UBR1: variants seen among roughly 807,000 people sequenced by gnomAD.
UBR1 encodes ubiquitin protein ligase E3 component n-recognin 1.
In UBR1, 102 loss-of-function variants were observed where a neutral mutation model predicts 242.1. The observed-to-expected ratio is 0.42, with a 90% CI of 0.36 to 0.50. The LOEUF (loss-of-function observed/expected upper bound fraction) is 0.50. Among genes scored for constraint, UBR1 ranks in the 20% least tolerant of loss-of-function variants. The pLI, the probability that UBR1 is intolerant of heterozygous loss-of-function variation, is 0.01. For synonymous variants in UBR1, 675 were observed against 684.8 expected, an observed-to-expected ratio of 0.99 and a Z score of 0.22; for missense variants, 1,772 against 2,101.8, an observed-to-expected ratio of 0.84 and a Z score of 3.07.
chr15:42,954,712 T>C (rs1317254299), intron 44 of UBR1, among the ~76,000 whole-genome samples: 1 of 152,122 alleles, frequency 6.6e-6, no homozygotes, highest in Non-Finnish European at 1.5e-5. Context: ...AACTACAGGA[T>C]GCGCCAACAT....
chr15:43,022,057 G>A (rs974698506), intron 26 of UBR1, among the ~76,000 whole-genome samples: 1 of 151,920 alleles, frequency 6.6e-6, no homozygotes, highest in Non-Finnish European at 1.5e-5. Context: ...AAACAAAATT[G>A]CCAAAAATAT....
intron 13 of UBR1, 88 bp from the exon 14 acceptor site, chr15:43,047,377 T>C (rs1311373598): frequency 7.6e-6 from 12 of 1,576,908 alleles, no homozygotes; most frequent in South Asian, 2.2e-5. Flanking sequence ...TCAGGATTCA[T>C]AACATTTTAA....
intron 33 of UBR1, among the ~76,000 whole-genome samples, 171 bp from the exon 34 acceptor site, chr15:42,990,291 AATCTCCGCCTCCCAAGTGACTACAGGC>A (rs2032534773): frequency 6.6e-6 from 1 of 152,060 alleles, no homozygotes; most frequent in East Asian, 1.9e-4. Context: ...CGATCCTCCC[AATCTCCGCCTCCCAAGTGACTACAGGC>A]ATGTGCCACC....
chr15:43,098,131 A>T (rs1324582782), intron 1 of UBR1, among the ~76,000 whole-genome samples: 2 of 152,206 alleles, frequency 1.3e-5, no homozygotes, highest in African/African-American at 4.8e-5. Context: ...GTCCCATCTT[A>T]GGGTATAGGG....
chr15:42,972,159 T>C (rs2032217427), intron 39 of UBR1, among the ~76,000 whole-genome samples: 1 of 152,204 alleles, frequency 6.6e-6, no homozygotes, highest in South Asian at 2.1e-4. Flanking sequence ...TTAAAAATCC[T>C]CTATGCTGTG....
chr15:43,079,546 G>A (rs1208047741), intron 3 of UBR1, among the ~76,000 whole-genome samples: 3 of 151,994 alleles, frequency 2.0e-5, no homozygotes, highest in African/African-American at 2.4e-5. Flanking sequence ...TTGGGAGGAC[G>A]AGGCGGGTGG....
intron 1 of UBR1, among the ~76,000 whole-genome samples, chr15:43,104,959 G>GCAACT (rs2034279476): frequency 1.3e-5 from 2 of 152,072 alleles, no homozygotes; most frequent in African/African-American, 4.8e-5. Flanking sequence ...TCCTGAACTC[G>GCAACT]GAAGGTTGCA....
chr15:43,015,662 G>A (rs374161185), intron 29 of UBR1, 26 bp downstream of exon 29: 20 of 1,610,726 alleles, frequency 1.2e-5, no homozygotes, highest in Non-Finnish European at 1.7e-5. Context: ...AATTGAGTTG[G>A]TAATTTTTGG....
intron 1 of UBR1, among the ~76,000 whole-genome samples, chr15:43,092,259 C>A (rs1316548797): frequency 6.6e-6 from 1 of 152,138 alleles, no homozygotes; most frequent in Admixed American, 6.5e-5. Flanking sequence ...CTTCACTGAT[C>A]AGCCCAAGAA....
intron 32 of UBR1, among the ~76,000 whole-genome samples, chr15:42,999,192 G>C (rs1363787179): frequency 6.6e-6 from 1 of 152,164 alleles, no homozygotes; most frequent in Non-Finnish European, 1.5e-5. Context: ...GCCCGCCTCA[G>C]CCTCCCAAAG....
At chr15:42,970,192 C>A (rs2032180878) in intron 40 of UBR1, among the ~76,000 whole-genome samples, 1 of 152,134 alleles carries the variant, frequency 6.6e-6, no homozygotes, top group Admixed American at 6.6e-5. Flanking sequence ...TAACACCACA[C>A]ATCTACAACC....
intron 37 of UBR1, among the ~76,000 whole-genome samples, chr15:42,983,665 C>CAATAATAAT (rs60519719): frequency 0.31 from 43,087 of 136,938 alleles, 7,809 homozygotes; most frequent in East Asian, 0.44. Flanking sequence ...AACTCCCACT[C>CAATAATAAT]AATAATAATA....
chr15:43,034,797 A>G (rs1293536617), intron 19 of UBR1, among the ~76,000 whole-genome samples: 1 of 151,636 alleles, frequency 6.6e-6, no homozygotes, highest in Non-Finnish European at 1.5e-5. Context: ...AGGCAAGAGA[A>G]TCGCTTGAAC....
chr15:42,973,398 T>C (rs1171596598), intron 39 of UBR1, among the ~76,000 whole-genome samples: 1 of 152,178 alleles, frequency 6.6e-6, no homozygotes, highest in East Asian at 1.9e-4. Context: ...TGGGTTCAAC[T>C]GATTCTTATC....
At chr15:43,030,618 C>A (rs1014401801) in intron 20 of UBR1, among the ~76,000 whole-genome samples, 5 of 152,146 alleles carry the variant, frequency 3.3e-5, no homozygotes, top group African/African-American at 1.2e-4. Context: ...AAAATGCCCA[C>A]AAGGTCAGAT....
chr15:43,030,237 AAGAC>A (rs1468709759), intron 20 of UBR1, among the ~76,000 whole-genome samples, 169 bp from the exon 21 acceptor site: 3 of 152,326 alleles, frequency 2.0e-5, no homozygotes, highest in Non-Finnish European at 4.4e-5. Flanking sequence ...TCTATGTTGA[AAGAC>A]AGAGGCAGAA....
At chr15:43,004,063 G>A in intron 30 of UBR1, 133 bp from the exon 31 acceptor site, 1 of 780,476 alleles carries the variant, frequency 1.3e-6, no homozygotes, top group Non-Finnish European at 2.2e-6. Flanking sequence ...GTAACAAAAA[G>A]AGAAAAGTAA....
chr15:42,979,767 A>G (rs780060555), intron 37 of UBR1, among the ~76,000 whole-genome samples: 3 of 152,096 alleles, frequency 2.0e-5, no homozygotes, highest in Non-Finnish European at 4.4e-5. Flanking sequence ...CACGTTGGCC[A>G]GGCTGGTCTT....
rs374446394 is a variant in UBR1 at position 43,054,742 on chromosome 15, T to A, written c.1439A>T (p.Lys480Met). 3 of 1,613,964 alleles carry A rather than the reference T, an allele frequency of 1.9e-6. No individual in the cohort carries two copies. Among genetic ancestry groups the A allele is most frequent in the Non-Finnish European group, 2.5e-6 (3 of 1,179,990 alleles). The stretch of plus-strand genomic sequence containing the variant: ...TCACCTTTTGACTTGAACAACTTAC[T>A]TTAGGTCACATATTACTGCATATAC... Reference protein sequence around the residue: ...GRVYAVICDLKYILISKPTIW... With the variant: ...GRVYAVICDLMYILISKPTIW... Residue 480 changes from lysine to methionine, a missense_variant and splice_region_variant, in exon 12 of 47, where the codon AAG (lysine) becomes ATG (methionine). Physicochemically the swap from Lys to Met is moderately conservative, Grantham distance 95. This residue lies in a region of UBR1 where 734 missense variants were observed against 893.3 expected (regional missense o/e 0.82). Coordinates refer to ENST00000290650, the MANE Select transcript of UBR1 (RefSeq NM_174916.3).
Sources: allele counts gnomAD v4.1 joint callset (sites outside exome capture counted in the v4.1 genomes callset), GRCh38; gene constraint gnomAD v4.1.1; regional missense constraint gnomAD v4.1.1; transcripts MANE v1.5; gene names NCBI Gene and HGNC (gene_info 2026-07-23, HGNC 2026-07-21).